The following PAPPA variants were observed in gnomAD, a reference collection of about 807,000 sequenced individuals.
PAPPA encodes the protein pappalysin-1.
A neutral mutation model predicts 164.0 loss-of-function variants in PAPPA; 60 were observed. The ratio of observed to expected loss-of-function variants is 0.37; its 90% confidence interval spans 0.30 to 0.45. The LOEUF (loss-of-function observed/expected upper bound fraction) is 0.45. Among genes scored for constraint, PAPPA ranks in the 20% least tolerant of loss-of-function variants. The probability of loss-of-function intolerance (pLI) is 1.00; values close to 1 mark genes in which losing one functional copy is unlikely to be tolerated. For synonymous variants in PAPPA, 875 were observed against 814.1 expected (o/e 1.07, Z -1.27); for missense variants, 1,782 against 2,087.3 (o/e 0.85, Z 2.85).
intron 6 of PAPPA, 49 bp downstream of exon 6, chr9:116,227,601 C>T: frequency 6.2e-7 from 1 of 1,601,694 alleles, no homozygotes; most frequent in Non-Finnish European, 8.5e-7. Flanking sequence ...GTGCAAAGAA[C>T]AGCTCTTTCA....
intron 11 of PAPPA, 97 bp from the exon 12 acceptor site, chr9:116,332,236 A>G: frequency 9.4e-7 from 1 of 1,069,464 alleles, no homozygotes; most frequent in South Asian, 1.5e-5. Context: ...CCCAGTTCTT[A>G]AAAAGGAAGT....
At chr9:116,189,034 T>C (rs1304004900) in intron 2 of PAPPA, among the ~76,000 whole-genome samples, 1 of 152,218 alleles carries the variant, frequency 6.6e-6, no homozygotes, top group Non-Finnish European at 1.5e-5. Flanking sequence ...GAGAAAAAGT[T>C]GATTTGCAGC....
intron 10 of PAPPA, among the ~76,000 whole-genome samples, chr9:116,306,142 A>G (rs1034015724): frequency 2.6e-5 from 4 of 152,164 alleles, no homozygotes; most frequent in Non-Finnish European, 4.4e-5. Context: ...GAAGGTGTTT[A>G]TTGGAGTTAT....
chr9:116,266,911 T>C (rs1198326687), intron 8 of PAPPA, among the ~76,000 whole-genome samples: 1 of 152,238 alleles, frequency 6.6e-6, no homozygotes, highest in African/African-American at 2.4e-5. Flanking sequence ...TAAGAGACTT[T>C]TTAAACTATT....
intron 4 of PAPPA, 132 bp downstream of exon 4, chr9:116,212,064 C>T (rs373124945): frequency 9.3e-6 from 7 of 750,616 alleles, no homozygotes; most frequent in East Asian, 2.5e-5. Context: ...CACTTATCCA[C>T]CTAATGTCTT....
chr9:116,310,939 A>T (rs1038883389), intron 10 of PAPPA, among the ~76,000 whole-genome samples: 3 of 152,046 alleles, frequency 2.0e-5, no homozygotes, highest in African/African-American at 7.2e-5. Context: ...GAGACAGTTG[A>T]TCTAGAAATA....
In PAPPA at chr9:116,187,034, G is replaced by A; in HGVS notation, c.416-120G>A. The A allele has an allele frequency of 1.4e-6, 1 of 716,810 alleles. No homozygotes were observed. The highest frequency in any genetic ancestry group is 2.3e-6 in the Non-Finnish European group (1 of 438,764). The allele number at this position is 716,810 out of a possible 1,614,324, so 44.4% of individuals were successfully genotyped here. ...TTAGCAACTCCTAGGATCCCACAGA[G>A]CAGTTGGAAAGCGATGAGTCTAGGA... On this transcript the variant is annotated intron_variant, in intron 1 of 21. Transcript: ENST00000328252. This position sits in a 1 kb window ranked among gnomAD's most constrained non-coding sequence, Gnocchi z 4.2.
At chr9:116,160,430 T>C (rs1440794605) in intron 1 of PAPPA, among the ~76,000 whole-genome samples, 1 of 152,160 alleles carries the variant, frequency 6.6e-6, no homozygotes, top group Admixed American at 6.5e-5. Context: ...ACAGGAAGGA[T>C]TATAAGAAAG....
rs774828168 is a variant in PAPPA, at chr9:116,235,370, G to A, written c.2465G>A (p.Ser822Asn). ...AATGACATCAAACTGTTGGCTGTCA[G>A]TGGGAAGAACATCTCCCTGGGTCCT... ...AVNDIKLLAV[S>N]GKNISLGPQN... Residue 822 changes from serine (S) to asparagine (N), a missense_variant, in exon 7 of 22, where the codon AGT becomes AAT. By Grantham distance (46) the Ser-to-Asn change is conservative. Coordinates refer to ENST00000328252, the MANE Select transcript of PAPPA (RefSeq NM_002581.5). The A allele has an allele frequency of 4.3e-6, 7 of 1,614,110 alleles. No individual in the cohort carries two copies. The South Asian group carries it at 6.6e-5, about 15-fold the overall frequency.
intron 7 of PAPPA, among the ~76,000 whole-genome samples, chr9:116,241,603 T>C (rs1406241787): frequency 6.6e-6 from 1 of 152,186 alleles, no homozygotes. Flanking sequence ...TATTCTTAAG[T>C]ACAAAATTTA....
chr9:116,385,293 A>G, intron 21 of PAPPA, among the ~76,000 whole-genome samples: 1 of 148,022 alleles, frequency 6.8e-6, no homozygotes. Flanking sequence ...AATAATTTGG[A>G]ATCCACACCT....
At chr9:116,158,938 T>G (rs1429001543) in intron 1 of PAPPA, among the ~76,000 whole-genome samples, 1 of 152,236 alleles carries the variant, frequency 6.6e-6, no homozygotes, top group African/African-American at 2.4e-5. Flanking sequence ...GTCAGCAGTC[T>G]TTTTGGAGAG....
chr9:116,294,131 C>T (rs1029338644), intron 9 of PAPPA, among the ~76,000 whole-genome samples: 5 of 152,062 alleles, frequency 3.3e-5, no homozygotes, highest in African/African-American at 4.8e-5. Context: ...TAGGTGCCTT[C>T]CTTGATGGGC....
At chr9:116,196,834 G>A (rs1315996177) in intron 2 of PAPPA, among the ~76,000 whole-genome samples, 2 of 152,106 alleles carry the variant, frequency 1.3e-5, no homozygotes, top group South Asian at 2.1e-4. Flanking sequence ...TCTCCACATC[G>A]AGCTTCTGAT....
rs75225025 is a variant in PAPPA, at chr9:116,388,114, C to T, written c.4776+5621C>T. ...ACAGACACCAGCTGTTCCCCACATCCGCCTTATGGGGTGACCTGGGCCCGG... is the reference window on the plus strand; with the variant it reads ...ACAGACACCAGCTGTTCCCCACATCTGCCTTATGGGGTGACCTGGGCCCGG... On this transcript the variant is annotated intron_variant, in intron 21 of 21. Coordinates refer to ENST00000328252, the MANE Select transcript of PAPPA (RefSeq NM_002581.5). Among the ~76,000 whole-genome samples, 1,850 of 152,250 alleles carry T rather than the reference C, an allele frequency of 0.012. 161 individuals carry two copies. The South Asian group carries it at 0.17, about 14-fold the overall frequency.
intron 13 of PAPPA, among the ~76,000 whole-genome samples, chr9:116,338,305 C>T (rs919518115): frequency 1.3e-5 from 2 of 152,094 alleles, no homozygotes; most frequent in Non-Finnish European, 2.9e-5. Context: ...ACAAGCTGGT[C>T]CATTCAGAGA....
At chr9:116,311,812 G>C (rs780808847) in intron 10 of PAPPA, among the ~76,000 whole-genome samples, 3 of 152,172 alleles carry the variant, frequency 2.0e-5, no homozygotes, top group Non-Finnish European at 2.9e-5. Context: ...CATTATCCCT[G>C]AGCAAATTGA....
At chr9:116,331,185 T>C (rs917340763) in intron 10 of PAPPA, 59 bp from the exon 11 acceptor site, 4 of 1,097,820 alleles carry the variant, frequency 3.6e-6, no homozygotes, top group Non-Finnish European at 5.5e-6. Flanking sequence ...TAAAATTGAA[T>C]TTAGTTGAAC....
chr9:116,194,534 G>A (rs551832040), intron 2 of PAPPA, among the ~76,000 whole-genome samples: 20 of 152,270 alleles, frequency 1.3e-4, no homozygotes, highest in South Asian at 2.1e-4. Context: ...AAAATTATGC[G>A]TGCTAGAGAC....
Sources: allele counts gnomAD v4.1 joint callset (sites outside exome capture counted in the v4.1 genomes callset), GRCh38; gene constraint gnomAD v4.1.1; non-coding constraint Gnocchi (gnomAD v3.1); transcripts MANE v1.5; gene names NCBI Gene and HGNC (gene_info 2026-07-23, HGNC 2026-07-21).